The following ZBTB16 variants were observed in gnomAD, a reference collection of about 807,000 sequenced individuals.
ZBTB16 encodes the protein zinc finger and BTB domain-containing protein 16.
Under a neutral mutation model 56.8 loss-of-function variants are expected in ZBTB16, and 8 were observed. The ratio of observed to expected loss-of-function variants is 0.14; its 90% CI spans 0.08 to 0.25. The LOEUF (loss-of-function observed/expected upper bound fraction) is 0.25. ZBTB16 is among the 10% of genes least tolerant of loss of function. The pLI, the probability that ZBTB16 is intolerant of heterozygous loss-of-function variation, is 1.00. For synonymous variants in ZBTB16, 363 were observed against 368.5 expected (o/e 0.98, Z 0.17); for missense variants, 625 against 903.0 (o/e 0.69, Z 3.95).
chr11:114,177,952 T>G (rs1943156919), intron 3 of ZBTB16, among the ~76,000 whole-genome samples: 1 of 152,328 alleles, frequency 6.6e-6, no homozygotes, highest in South Asian at 2.1e-4. Context: ...ACTCATGTAT[T>G]TTTAAAAACA....
Position 114,064,446 on chromosome 11 carries a change from G to A in ZBTB16, c.1146G>A (p.Arg382=). Residue 382 remains arginine, a synonymous_variant, in exon 2 of 7, where the codon AGG becomes AGA. Coordinates refer to ENST00000335953, the MANE Select transcript of ZBTB16 (RefSeq NM_006006.6). The surrounding 1 kb of genome is among the most constrained non-coding windows in gnomAD (Gnocchi z 4.2). ...GGLLPQGFIQ[R]ELFSKLGELA... The stretch of plus-strand genomic sequence containing the variant: ...TGCTGCCCCAGGGCTTCATCCAGAG[G>A]GAGCTGTTCAGCAAGCTGGGGGAGC... The A allele has an allele frequency of 6.2e-7, 1 of 1,614,172 alleles. No individual in the cohort carries two copies. Among genetic ancestry groups the A allele is most frequent in the Non-Finnish European group, 8.5e-7 (1 of 1,180,046 alleles).
At chr11:114,245,258 G>C (rs929124725) in intron 5 of ZBTB16, among the ~76,000 whole-genome samples, 1 of 152,212 alleles carries the variant, frequency 6.6e-6, no homozygotes, top group African/African-American at 2.4e-5. Context: ...CTGGGCCTTG[G>C]CCCATCCCCA....
chr11:114,120,681 A>T (rs1221597765), intron 2 of ZBTB16, among the ~76,000 whole-genome samples: 3 of 152,164 alleles, frequency 2.0e-5, no homozygotes, highest in Admixed American at 1.3e-4. Context: ...GTGTCTTCGG[A>T]TGCTGTATTT....
At chr11:114,088,823 G>A (rs1236737928) in intron 2 of ZBTB16, among the ~76,000 whole-genome samples, 1 of 152,166 alleles carries the variant, frequency 6.6e-6, no homozygotes, top group African/African-American at 2.4e-5. Context: ...TTTAATTGGG[G>A]GAAACCTTGT....
intron 2 of ZBTB16, among the ~76,000 whole-genome samples, chr11:114,107,461 T>C (rs238921): frequency 0.031 from 4,769 of 152,276 alleles, 246 homozygotes; most frequent in African/African-American, 0.11. Context: ...ATCCAACAAC[T>C]CTGCCAAGGG....
intron 5 of ZBTB16, among the ~76,000 whole-genome samples, chr11:114,245,313 C>T (rs1459049563): frequency 6.6e-6 from 1 of 152,226 alleles, no homozygotes; most frequent in Non-Finnish European, 1.5e-5. Context: ...TGAGCCAGTG[C>T]AACACCCCAT....
intron 4 of ZBTB16, among the ~76,000 whole-genome samples, chr11:114,219,595 G>C (rs1944182575): frequency 6.6e-6 from 1 of 151,982 alleles, no homozygotes; most frequent in African/African-American, 2.4e-5. Flanking sequence ...CTATGTCCTG[G>C]GCTGTGAGGG....
intron 4 of ZBTB16, among the ~76,000 whole-genome samples, chr11:114,230,637 G>GGT (rs1591800229): frequency 1.5e-5 from 2 of 129,812 alleles, no homozygotes; most frequent in South Asian, 2.7e-4. Context: ...TCTGTGGGGG[G>GGT]GGGGCGGGAA....
intron 4 of ZBTB16, chr11:114,189,265 C>T (rs1025728864): frequency 6.6e-6 from 1 of 152,084 alleles, no homozygotes; most frequent in Non-Finnish European, 1.5e-5. Context: ...AAATAATGGG[C>T]AAAGGTTCTG....
Position 114,095,583 on chromosome 11 carries a change from TGGA to T in ZBTB16, c.1268+31017_1268+31019del, listed in dbSNP as rs1315034063. Among the ~76,000 whole-genome samples the T allele has an allele frequency of 2.6e-5, 4 of 152,284 alleles. No homozygotes were observed. The East Asian group carries it at 7.7e-4, about 29-fold the overall frequency. On this transcript the variant is annotated intron_variant, in intron 2 of 6. Coordinates refer to ENST00000335953, the MANE Select transcript of ZBTB16 (RefSeq NM_006006.6). ...CCACCAATTTCTTATACATAGGTTA[TGGA>T]GCAGGGAGAAAGAGACATGCAAACA...
At chr11:114,087,348 T>C (rs1165359919) in intron 2 of ZBTB16, among the ~76,000 whole-genome samples, 15 of 152,234 alleles carry the variant, frequency 9.9e-5, no homozygotes, top group Admixed American at 5.9e-4. Context: ...TTTTTGTCTT[T>C]TCTTGTGTTT....
chr11:114,229,449 G>A (rs563820389), intron 4 of ZBTB16, among the ~76,000 whole-genome samples: 5 of 152,108 alleles, frequency 3.3e-5, no homozygotes, highest in East Asian at 3.9e-4. Context: ...TAAAGGGGAC[G>A]TGTCTCTTTT....
intron 2 of ZBTB16, among the ~76,000 whole-genome samples, chr11:114,141,060 G>A (rs150257587): frequency 2.6e-5 from 4 of 152,076 alleles, no homozygotes; most frequent in African/African-American, 9.7e-5. Context: ...CCACTCTACC[G>A]CCTCCGCAGG....
At chr11:114,248,459 C>T (rs189195289) in intron 6 of ZBTB16, among the ~76,000 whole-genome samples, 203 of 152,272 alleles carry the variant, frequency 1.3e-3, no homozygotes, top group African/African-American at 4.6e-3. Flanking sequence ...TTTTGGAAAG[C>T]CAGTCATGAA....
chr11:114,187,089 A>G, intron 4 of ZBTB16, 51 bp downstream of exon 4: 1 of 1,572,592 alleles, frequency 6.4e-7, no homozygotes, highest in Middle Eastern at 1.7e-4. Flanking sequence ...TGTTGGTAGC[A>G]CATGGACATG....
intron 2 of ZBTB16, among the ~76,000 whole-genome samples, chr11:114,095,346 C>T (rs1463471588): frequency 1.1e-4 from 17 of 149,358 alleles, no homozygotes; most frequent in African/African-American, 3.5e-4. Context: ...CTGCAACCTC[C>T]GCCTCCCAGG....
intron 2 of ZBTB16, among the ~76,000 whole-genome samples, chr11:114,141,060 G>T (rs150257587): frequency 6.0e-4 from 91 of 152,192 alleles, no homozygotes; most frequent in African/African-American, 2.1e-3. Flanking sequence ...CCACTCTACC[G>T]CCTCCGCAGG....
At chr11:114,157,441 T>C (rs1254229792) in intron 3 of ZBTB16, among the ~76,000 whole-genome samples, 1 of 152,232 alleles carries the variant, frequency 6.6e-6, no homozygotes, top group Non-Finnish European at 1.5e-5. Context: ...AAGGCATCTG[T>C]AGTAAGCCCC....
intron 4 of ZBTB16, among the ~76,000 whole-genome samples, chr11:114,197,541 G>A (rs910519161): frequency 1.3e-5 from 2 of 152,036 alleles, no homozygotes; most frequent in Non-Finnish European, 2.9e-5. Context: ...CTGCCTGCTT[G>A]CACTGGCCCC....
Sources: gnomAD v4.1 joint callset for allele counts (sites outside exome capture counted in the v4.1 genomes callset) on GRCh38, gnomAD v4.1.1 for gene constraint, Gnocchi (gnomAD v3.1) non-coding constraint, MANE v1.5 for transcripts, NCBI Gene and HGNC (gene_info 2026-07-23, HGNC 2026-07-21) for gene names.